The following TBC1D5 variants were observed in gnomAD, a reference collection of about 807,000 sequenced individuals.
TBC1D5 encodes TBC1 domain family, member 5.
In TBC1D5, 75 loss-of-function variants were observed where a neutral mutation model predicts 100.3. That is an observed-to-expected ratio of 0.75 (90% CI 0.62 to 0.91). The LOEUF is 0.91. TBC1D5 is among the 40% of genes least tolerant of loss of function. The pLI, the probability that TBC1D5 is intolerant of heterozygous loss-of-function variation, is 0.00. For synonymous variants in TBC1D5, 323 were observed against 325.6 expected, an observed-to-expected ratio of 0.99 and a Z score of 0.09; for missense variants, 910 against 942.4, an observed-to-expected ratio of 0.97 and a Z score of 0.45.
intron 1 of TBC1D5, among the ~76,000 whole-genome samples, chr3:17,626,062 GAAGAA>G (rs1383476179): frequency 1.3e-5 from 2 of 151,992 alleles, no homozygotes; most frequent in African/African-American, 4.8e-5. Flanking sequence ...TGTGTATTTA[GAAGAA>G]AAGAATTAAG....
chr3:17,518,301 CCCCTT>C (rs781163463), intron 2 of TBC1D5, among the ~76,000 whole-genome samples: 120 of 152,164 alleles, frequency 7.9e-4, no homozygotes, highest in Non-Finnish European at 3.8e-4. Context: ...GCCCACCCTG[CCCCTT>C]CATCCTGTGC....
At chr3:17,304,111 C>T (rs2083150680) in intron 14 of TBC1D5, among the ~76,000 whole-genome samples, 1 of 152,138 alleles carries the variant, frequency 6.6e-6, no homozygotes, top group African/African-American at 2.4e-5. Flanking sequence ...GTGCTTTCTT[C>T]CTGCATCAGC....
intron 21 of TBC1D5, among the ~76,000 whole-genome samples, chr3:17,164,722 T>C (rs2066420173): frequency 1.3e-5 from 2 of 152,198 alleles, no homozygotes; most frequent in Admixed American, 1.3e-4. Flanking sequence ...GGCAGCTATC[T>C]CATGCCTGGT....
intron 16 of TBC1D5, among the ~76,000 whole-genome samples, chr3:17,245,821 T>A (rs559234232): frequency 1.3e-5 from 2 of 152,342 alleles, no homozygotes; most frequent in South Asian, 4.1e-4. Context: ...TTTGAACTAT[T>A]TGAATTATTA....
chr3:17,241,031 C>A (rs1269206452), intron 16 of TBC1D5, among the ~76,000 whole-genome samples: 1 of 152,006 alleles, frequency 6.6e-6, no homozygotes, highest in Admixed American at 6.6e-5. Context: ...TGTTTTTAAC[C>A]ATGTTCTCCC....
chr3:17,320,509 C>A (rs759635656), intron 13 of TBC1D5, among the ~76,000 whole-genome samples: 3 of 152,178 alleles, frequency 2.0e-5, no homozygotes, highest in African/African-American at 7.2e-5. Context: ...TTTAGTGATT[C>A]CTAACTTTTC....
intron 16 of TBC1D5, among the ~76,000 whole-genome samples, chr3:17,251,180 T>C (rs2077135042): frequency 6.6e-6 from 1 of 152,152 alleles, no homozygotes; most frequent in African/African-American, 2.4e-5. Context: ...GGCGATTTGT[T>C]CATCATGGTC....
At chr3:17,414,943 T>C (rs995784037) in intron 4 of TBC1D5, among the ~76,000 whole-genome samples, 3 of 152,064 alleles carry the variant, frequency 2.0e-5, no homozygotes, top group African/African-American at 7.2e-5. Flanking sequence ...AGGTGAAACA[T>C]GTTATCATAT....
intron 1 of TBC1D5, among the ~76,000 whole-genome samples, chr3:17,681,425 T>C (rs1374745435): frequency 1.3e-5 from 2 of 151,604 alleles, no homozygotes; most frequent in African/African-American, 4.9e-5. Context: ...ATGACTTTAA[T>C]AATGTAATTT....
At chr3:17,384,638 T>C (rs543621883) in intron 8 of TBC1D5, among the ~76,000 whole-genome samples, 43 of 152,010 alleles carry the variant, frequency 2.8e-4, no homozygotes, top group African/African-American at 1.0e-3. Flanking sequence ...CACAGAGAGT[T>C]TGAACAATAA....
chr3:17,559,826 T>C (rs1471264772), intron 2 of TBC1D5, among the ~76,000 whole-genome samples: 3 of 152,044 alleles, frequency 2.0e-5, no homozygotes. Context: ...CCTGACTTCA[T>C]GATCCGCCCA....
intron 1 of TBC1D5, among the ~76,000 whole-genome samples, chr3:17,655,579 C>T (rs765347779): frequency 3.9e-5 from 6 of 151,968 alleles, no homozygotes; most frequent in African/African-American, 7.2e-5. Flanking sequence ...AACCATAATC[C>T]TAATAATGAG....
chr3:17,598,290 A>C (rs916058520), intron 2 of TBC1D5, among the ~76,000 whole-genome samples: 1 of 152,226 alleles, frequency 6.6e-6, no homozygotes, highest in African/African-American at 2.4e-5. Flanking sequence ...TCACAACACA[A>C]TAAAAAGACA....
At chr3:17,588,068 T>G (rs1234273442) in intron 2 of TBC1D5, among the ~76,000 whole-genome samples, 1 of 152,084 alleles carries the variant, frequency 6.6e-6, no homozygotes, top group East Asian at 1.9e-4. Flanking sequence ...AAAGTAACAC[T>G]ACAATCAGTG....
intron 15 of TBC1D5, among the ~76,000 whole-genome samples, chr3:17,264,724 C>T (rs1333388280): frequency 6.6e-6 from 1 of 152,148 alleles, no homozygotes; most frequent in Non-Finnish European, 1.5e-5. Flanking sequence ...ACATTCTAAG[C>T]TCTAGTTCAC....
chr3:17,290,233 A>G (rs2081588896), intron 15 of TBC1D5, among the ~76,000 whole-genome samples: 1 of 152,172 alleles, frequency 6.6e-6, no homozygotes, highest in Non-Finnish European at 1.5e-5. Context: ...CTATATTTTA[A>G]TGCTTATAGA....
intron 14 of TBC1D5, among the ~76,000 whole-genome samples, chr3:17,299,583 G>C (rs2150339064): frequency 6.6e-6 from 1 of 152,240 alleles, no homozygotes; most frequent in Non-Finnish European, 1.5e-5. Context: ...TTCTGGCCGG[G>C]TGCGGTGGCT....
chr3:17,672,543 A>C (rs1283958623), intron 1 of TBC1D5: 1 of 152,238 alleles, frequency 6.6e-6, no homozygotes, highest in Non-Finnish European at 1.5e-5. Context: ...GAAAACACCT[A>C]CTTTTTAAAG....
intron 1 of TBC1D5, among the ~76,000 whole-genome samples, chr3:17,638,176 C>A (rs2064138963): frequency 6.6e-6 from 1 of 151,872 alleles, no homozygotes; most frequent in South Asian, 2.1e-4. Context: ...AATGAATATG[C>A]CATACAAGTC....
Sources: allele counts gnomAD v4.1 joint callset (sites outside exome capture counted in the v4.1 genomes callset), GRCh38; gene constraint gnomAD v4.1.1; transcripts MANE v1.5; gene names NCBI Gene and HGNC (gene_info 2026-07-23, HGNC 2026-07-21).